The following USP34 variants were observed in gnomAD, a reference collection of about 807,000 sequenced individuals.
USP34 encodes the protein ubiquitin specific peptidase 34, also known as ubiquitin carboxyl-terminal hydrolase 34.
A neutral mutation model predicts 460.3 loss-of-function variants in USP34; 70 were observed. The ratio of observed to expected loss-of-function variants is 0.15; its 90% confidence interval spans 0.13 to 0.19. The LOEUF (loss-of-function observed/expected upper bound fraction) is 0.19. Among genes scored for constraint, USP34 ranks in the 10% least tolerant of loss-of-function variants. The probability of loss-of-function intolerance (pLI) is 1.00; values close to 1 mark genes in which losing one functional copy is unlikely to be tolerated. For missense variants in USP34, 3,985 were observed against 4,236.2 expected, an observed-to-expected ratio of 0.94 and a Z score of 1.65; for synonymous variants, 1,647 against 1,405.3, an observed-to-expected ratio of 1.17 and a Z score of -3.85.
At chr2:61,243,888 T>G (rs1387388485) in intron 51 of USP34, among the ~76,000 whole-genome samples, 1 of 150,884 alleles carries the variant, frequency 6.6e-6, no homozygotes, top group Non-Finnish European at 1.5e-5. Context: ...AAAGGAGACA[T>G]TCTAGGCATA....
chr2:61,387,593 A>T (rs1306743084), intron 5 of USP34, among the ~76,000 whole-genome samples: 1 of 146,642 alleles, frequency 6.8e-6, no homozygotes, highest in Non-Finnish European at 1.5e-5. Context: ...ATATATATTT[A>T]TATATACACA....
chr2:61,372,140 G>C (rs775037893), intron 8 of USP34, among the ~76,000 whole-genome samples: 61 of 151,944 alleles, frequency 4.0e-4, no homozygotes, highest in East Asian at 3.9e-4. Flanking sequence ...AGATAAACTG[G>C]AAAGATTAAG....
chr2:61,311,104 G>T (rs72813527), intron 27 of USP34, among the ~76,000 whole-genome samples: 1 of 152,058 alleles, frequency 6.6e-6, no homozygotes, highest in Non-Finnish European at 1.5e-5. Context: ...GCTATGGTTT[G>T]AATTTTTTTG....
At chr2:61,319,109 G>T in intron 22 of USP34, 64 bp downstream of exon 22, 1 of 1,429,380 alleles carries the variant, frequency 7.0e-7, no homozygotes, top group Non-Finnish European at 9.3e-7. Context: ...TACAGAATTC[G>T]TATTTCAAGA....
At chr2:61,367,175 G>T (rs1692465978) in intron 10 of USP34, among the ~76,000 whole-genome samples, 1 of 152,210 alleles carries the variant, frequency 6.6e-6, no homozygotes, top group African/African-American at 2.4e-5. Context: ...TTCAAATTAT[G>T]AAACGTAACA....
intron 41 of USP34, among the ~76,000 whole-genome samples, chr2:61,271,092 T>C (rs1689198637): frequency 6.6e-6 from 1 of 151,958 alleles, no homozygotes; most frequent in Non-Finnish European, 1.5e-5. Context: ...GAGACCAGCA[T>C]GGCCAACATG....
chr2:61,467,241 T>C (rs1573075594), intron 1 of USP34, among the ~76,000 whole-genome samples: 1 of 151,482 alleles, frequency 6.6e-6, no homozygotes. Context: ...AGGCAGAGGT[T>C]GTAGTGAGCC....
intron 75 of USP34, among the ~76,000 whole-genome samples, chr2:61,201,784 G>A (rs1302144235): frequency 2.0e-5 from 3 of 152,104 alleles, no homozygotes; most frequent in South Asian, 2.1e-4. Context: ...AGTTCCTCAC[G>A]TAACTTTTAG....
chr2:61,236,614 T>G (rs1286063785), intron 53 of USP34, among the ~76,000 whole-genome samples: 3 of 152,124 alleles, frequency 2.0e-5, no homozygotes, highest in Admixed American at 2.0e-4. Context: ...AATTGTGAGG[T>G]TTTTATTGTA....
intron 23 of USP34, 30 bp from the exon 24 acceptor site, chr2:61,315,004 T>G (rs1690699391): frequency 6.3e-7 from 1 of 1,582,924 alleles, no homozygotes. Context: ...TATCTCTAAA[T>G]TTTGTTTGTC....
chr2:61,431,714 G>A lies in USP34; in HGVS notation c.44-10881C>T, dbSNP rs560099594. On this transcript the variant is annotated intron_variant, in intron 1 of 79. Coordinates refer to ENST00000398571, the MANE Select transcript of USP34 (RefSeq NM_014709.4). Reference sequence around the variant, plus strand: ...TACTAAAATTCAAAAACTTAGCCGGGCATGGTGTTAGGCGCCTGTAATCCC... The same window carrying A: ...TACTAAAATTCAAAAACTTAGCCGGACATGGTGTTAGGCGCCTGTAATCCC... Among the ~76,000 whole-genome samples the A allele has an allele frequency of 5.9e-5, 9 of 152,146 alleles. No individual in the cohort carries two copies. The East Asian group carries it at 1.2e-3, about 20-fold the overall frequency.
intron 48 of USP34, among the ~76,000 whole-genome samples, chr2:61,251,254 CTT>C (rs1169315485): frequency 6.6e-6 from 1 of 152,140 alleles, no homozygotes; most frequent in Admixed American, 6.5e-5. Context: ...TTTTACTAGT[CTT>C]GATGTAGTAC....
chr2:61,270,621 A>C (rs1042771659), intron 41 of USP34, among the ~76,000 whole-genome samples: 1 of 151,948 alleles, frequency 6.6e-6, no homozygotes, highest in Non-Finnish European at 1.5e-5. Context: ...TTTTTAGTAG[A>C]GACTGGGTTT....
At chr2:61,372,954 C>G (rs1047663556) in intron 8 of USP34, among the ~76,000 whole-genome samples, 1 of 152,120 alleles carries the variant, frequency 6.6e-6, no homozygotes, top group South Asian at 2.1e-4. Context: ...TCCACATCTA[C>G]ACATATTGTA....
At position 61,237,208 on chromosome 2, in the gene USP34, C is replaced by T. The variant is rs1381239312; in HGVS notation, c.6778-819G>A. On this transcript the variant is annotated intron_variant, in intron 53 of 79. Coordinates refer to ENST00000398571, the MANE Select transcript of USP34 (RefSeq NM_014709.4). ...GGGCATTTCCAGGCACAAAAACTTT[C>T]TATTAAGCTGTAGCCCCTGTATCAG... Among the ~76,000 whole-genome samples the T allele has an allele frequency of 5.3e-5, 8 of 152,236 alleles. No individual in the cohort carries two copies. In the East Asian group the frequency reaches 1.5e-3, roughly 29 times the overall value.
chr2:61,387,958 C>T (rs777353976), intron 5 of USP34, among the ~76,000 whole-genome samples: 373 of 129,754 alleles, frequency 2.9e-3, no homozygotes, highest in Non-Finnish European at 2.7e-3. Context: ...CACACACACA[C>T]ATATATATAT....
chr2:61,319,093 A>G, intron 22 of USP34, 80 bp downstream of exon 22: 1 of 1,327,972 alleles, frequency 7.5e-7, no homozygotes, highest in Non-Finnish European at 1.0e-6. Flanking sequence ...AAAAAAAAAA[A>G]GGCATTACAG....
intron 10 of USP34, among the ~76,000 whole-genome samples, chr2:61,358,639 A>G (rs1433063463): frequency 6.6e-6 from 1 of 152,214 alleles, no homozygotes; most frequent in East Asian, 1.9e-4. Context: ...AGACAAAAAT[A>G]TGAAAGGCAT....
chr2:61,193,426 T>C (rs1686700521), intron 75 of USP34: 1 of 152,076 alleles, frequency 6.6e-6, no homozygotes. Context: ...TTTTACCTTC[T>C]TTCTTCAAAG....
Sources: gnomAD v4.1 joint callset for allele counts (sites outside exome capture counted in the v4.1 genomes callset) on GRCh38, gnomAD v4.1.1 for gene constraint, MANE v1.5 for transcripts, NCBI Gene and HGNC (gene_info 2026-07-23, HGNC 2026-07-21) for gene names.